The following CNTN4 variants were observed in gnomAD, a reference collection of about 807,000 sequenced individuals.
CNTN4 encodes contactin 4, also known as contactin-4.
A neutral mutation model predicts 122.5 loss-of-function variants in CNTN4; 77 were observed. The observed-to-expected ratio is 0.63, with a 90% CI of 0.52 to 0.76. The LOEUF is 0.76. Ranked by LOEUF, CNTN4 falls within the 30% of genes least tolerant of loss-of-function variation. CNTN4 has a pLI of 0.00. For synonymous variants in CNTN4, 512 were observed against 447.0 expected (o/e 1.15, Z -1.83); for missense variants, 1,256 against 1,259.1 (o/e 1.00, Z 0.04).
chr3:2,257,924 G>T (rs918238810), intron 2 of CNTN4, among the ~76,000 whole-genome samples: 1 of 152,072 alleles, frequency 6.6e-6, no homozygotes, highest in Non-Finnish European at 1.5e-5. Context: ...TTAGCCAGGC[G>T]TGGTGGTGCA....
intron 14 of CNTN4, among the ~76,000 whole-genome samples, chr3:3,011,880 GA>G: frequency 1.3e-5 from 1 of 74,146 alleles, no homozygotes; most frequent in Non-Finnish European, 3.7e-5. Context: ...AGACTTCCAT[GA>G]TGATGATGGT....
intron 8 of CNTN4, among the ~76,000 whole-genome samples, chr3:2,874,994 G>GT (rs539949540): frequency 7.4e-4 from 112 of 152,058 alleles, no homozygotes; most frequent in African/African-American, 2.6e-3. Flanking sequence ...TTGTTTGTTT[G>GT]TTTTTTGAGA....
At chr3:2,629,917 A>G (rs1240255562) in intron 4 of CNTN4, among the ~76,000 whole-genome samples, 1 of 152,122 alleles carries the variant, frequency 6.6e-6, no homozygotes, top group Non-Finnish European at 1.5e-5. Flanking sequence ...GGTTTTCTCT[A>G]TGTTTCTCGT....
intron 4 of CNTN4, among the ~76,000 whole-genome samples, chr3:2,663,910 G>A (rs565195598): frequency 5.9e-5 from 9 of 152,166 alleles, no homozygotes; most frequent in Middle Eastern, 3.4e-3. Context: ...ACCACATATT[G>A]TCTGATTCTA....
chr3:2,549,017 A>T (rs532150687), intron 3 of CNTN4, among the ~76,000 whole-genome samples: 48 of 152,248 alleles, frequency 3.2e-4, no homozygotes, highest in African/African-American at 1.1e-3. Flanking sequence ...GATTTTGCAC[A>T]TCGATTTTGT....
intron 16 of CNTN4, among the ~76,000 whole-genome samples, chr3:3,031,885 C>T (rs1485523822): frequency 6.6e-6 from 1 of 152,028 alleles, no homozygotes; most frequent in East Asian, 1.9e-4. Flanking sequence ...ACTTCGAACG[C>T]AAGAAAATAA....
intron 7 of CNTN4, among the ~76,000 whole-genome samples, chr3:2,839,681 A>T (rs1290303804): frequency 1.3e-5 from 2 of 152,202 alleles, no homozygotes; most frequent in Non-Finnish European, 2.9e-5. Context: ...TAAAGAGTAC[A>T]CATCTCATCA....
chr3:2,144,470 T>C (rs767377981), intron 2 of CNTN4, among the ~76,000 whole-genome samples: 7 of 152,216 alleles, frequency 4.6e-5, no homozygotes, highest in Non-Finnish European at 1.0e-4. Context: ...AGTGAAGAAT[T>C]GTTCTTATTG....
chr3:2,114,431 G>A (rs1490579533), intron 2 of CNTN4, among the ~76,000 whole-genome samples: 1 of 152,160 alleles, frequency 6.6e-6, no homozygotes, highest in East Asian at 1.9e-4. Context: ...CTGCACTCCA[G>A]TCTGGATGAC....
At chr3:2,600,270 T>A (rs1301230816) in intron 4 of CNTN4, among the ~76,000 whole-genome samples, 1 of 151,920 alleles carries the variant, frequency 6.6e-6, no homozygotes, top group Non-Finnish European at 1.5e-5. Context: ...TTGTTACATT[T>A]GTATACACAC....
intron 2 of CNTN4, among the ~76,000 whole-genome samples, chr3:2,252,261 T>C (rs1041419764): frequency 5.9e-5 from 9 of 152,130 alleles, no homozygotes; most frequent in Admixed American, 2.6e-4. Context: ...TTAAGTACAG[T>C]GGTAAATAAA....
At chr3:2,877,840 C>G (rs1254624309) in intron 8 of CNTN4, among the ~76,000 whole-genome samples, 1 of 151,522 alleles carries the variant, frequency 6.6e-6, no homozygotes, top group Non-Finnish European at 1.5e-5. Flanking sequence ...TCATTTCTTA[C>G]AAAACAAAAA....
In CNTN4 at chr3:2,194,713, A is replaced by G. The variant is rs148116301; in HGVS notation, c.-145+94074A>G. 2.8e-3 allele frequency among the ~76,000 whole-genome samples: 426 copies of G among 152,318 alleles called. 1 individual carries two copies. Among genetic ancestry groups the G allele is most frequent in the African/African-American group, 9.8e-3 (408 of 41,574 alleles). On this transcript the variant is annotated intron_variant, in intron 2 of 24. Transcript: ENST00000418658. ...AGGAGAGGGCCACGCAAAGATTGAC[A>G]GGCAGGCAAAATGCCATGTGAAAAC...
chr3:2,560,150 T>A (rs1432590961), intron 3 of CNTN4, among the ~76,000 whole-genome samples: 1 of 151,570 alleles, frequency 6.6e-6, no homozygotes, highest in Non-Finnish European at 1.5e-5. Context: ...TTTTTCTTTT[T>A]TTTTTTTAAG....
chr3:2,287,715 GAA>G (rs2041981241), intron 2 of CNTN4, among the ~76,000 whole-genome samples: 2 of 65,998 alleles, frequency 3.0e-5, no homozygotes, highest in Non-Finnish European at 6.0e-5. Context: ...AGAAGAGGAA[GAA>G]GAAGAAGAAG....
At chr3:2,495,907 T>A (rs2076440485) in intron 3 of CNTN4, among the ~76,000 whole-genome samples, 1 of 152,162 alleles carries the variant, frequency 6.6e-6, no homozygotes, top group African/African-American at 2.4e-5. Context: ...TTTCAGCCAC[T>A]AGAACATAGC....
chr3:2,376,687 T>TGAA (rs2045829302), intron 3 of CNTN4, among the ~76,000 whole-genome samples: 1 of 76,266 alleles, frequency 1.3e-5, no homozygotes, highest in Admixed American at 1.4e-4. Flanking sequence ...CACTTGTATG[T>TGAA]TAAAAAAAAA....
chr3:2,425,786 C>A lies in CNTN4; in HGVS notation c.-89+86553C>A, dbSNP rs1044635692. Reference sequence around the variant, plus strand: ...TCTCCTTGAAGAGCTCCTTCACAACCCTTGTGAGTTGGATTCCTAGGTATT... The same window carrying A: ...TCTCCTTGAAGAGCTCCTTCACAACACTTGTGAGTTGGATTCCTAGGTATT... On this transcript the variant is annotated intron_variant, in intron 3 of 24. Coordinates refer to ENST00000418658, the MANE Select transcript of CNTN4 (RefSeq NM_175607.3). Among the ~76,000 whole-genome samples, 13 of 152,182 alleles carry A rather than the reference C, an allele frequency of 8.5e-5. 1 individual carries two copies. The South Asian group carries it at 2.5e-3, about 29-fold the overall frequency.
At chr3:2,180,691 A>T (rs1003122962) in intron 2 of CNTN4, among the ~76,000 whole-genome samples, 3 of 152,080 alleles carry the variant, frequency 2.0e-5, no homozygotes, top group African/African-American at 7.2e-5. Flanking sequence ...AGCATAAATC[A>T]TCTTCCACTG....
Sources: allele counts gnomAD v4.1 joint callset (sites outside exome capture counted in the v4.1 genomes callset), GRCh38; gene constraint gnomAD v4.1.1; transcripts MANE v1.5; gene names NCBI Gene and HGNC (gene_info 2026-07-23, HGNC 2026-07-21).